DLG2: variants seen among roughly 807,000 people sequenced by gnomAD.
DLG2 encodes disks large homolog 2.
In DLG2, 45 loss-of-function variants were observed where a neutral mutation model predicts 132.5. The observed-to-expected ratio is 0.34, with a 90% CI of 0.27 to 0.44. The LOEUF (loss-of-function observed/expected upper bound fraction) is 0.44, where lower values mean the gene tolerates loss of function less well. Ranked by LOEUF, DLG2 falls within the 20% of genes least tolerant of loss-of-function variation. The pLI is 1.00. For synonymous variants in DLG2, 424 were observed against 419.6 expected (o/e 1.01, Z -0.13); for missense variants, 1,045 against 1,196.9 (o/e 0.87, Z 1.87).
chr11:85,524,272 G>T (rs1194999270), intron 3 of DLG2, among the ~76,000 whole-genome samples: 1 of 152,040 alleles, frequency 6.6e-6, no homozygotes, highest in Non-Finnish European at 1.5e-5. Flanking sequence ...ACAAAGAAGG[G>T]ATAATTGCTT....
intron 2 of DLG2, among the ~76,000 whole-genome samples, chr11:85,623,061 A>G (rs979968969): frequency 6.8e-6 from 1 of 146,994 alleles, no homozygotes; most frequent in African/African-American, 2.5e-5. Flanking sequence ...CTGTCTCCCA[A>G]AAAAAAAAAA....
rs566479176 is a variant in DLG2 at position 84,534,429 on chromosome 11, A to C, written c.519+141T>G. On this transcript the variant is annotated intron_variant, in intron 7 of 27. Transcript: ENST00000376104. ...AAAATACAAGGTGGGCCTCCAATGC[A>C]CAAGAAAGACCCTTTGGCAACCCGT... 38 of 757,592 alleles carry C rather than the reference A, an allele frequency of 5.0e-5. No homozygotes were observed. In the East Asian group the frequency reaches 8.6e-4, roughly 17 times the overall value. The allele number at this position is 757,592 out of a possible 1,614,324, so 46.9% of individuals were successfully genotyped here.
chr11:84,186,183 T>A (rs568728320), intron 8 of DLG2, among the ~76,000 whole-genome samples: 7 of 152,166 alleles, frequency 4.6e-5, no homozygotes, highest in Non-Finnish European at 8.8e-5. Context: ...TTTGTTGAGC[T>A]TTTCAAATGT....
intron 3 of DLG2, among the ~76,000 whole-genome samples, chr11:85,534,448 A>G (rs185444436): frequency 1.7e-3 from 261 of 152,244 alleles, no homozygotes; most frequent in Non-Finnish European, 2.7e-3. Context: ...TTACCCATAC[A>G]GTGAACAAAG....
intron 3 of DLG2, among the ~76,000 whole-genome samples, chr11:85,461,565 G>T (rs1478754339): frequency 6.6e-6 from 1 of 152,152 alleles, no homozygotes; most frequent in Non-Finnish European, 1.5e-5. Flanking sequence ...GACTGAAGAG[G>T]CCAGTGATGG....
intron 7 of DLG2, among the ~76,000 whole-genome samples, chr11:84,254,094 A>C (rs1384328498): frequency 6.6e-6 from 1 of 152,164 alleles, no homozygotes; most frequent in Non-Finnish European, 1.5e-5. Flanking sequence ...CATGACTCAC[A>C]AAAGTGTGCC....
intron 18 of DLG2, among the ~76,000 whole-genome samples, chr11:83,774,958 T>C (rs1289379393): frequency 1.4e-5 from 2 of 147,188 alleles, no homozygotes; most frequent in African/African-American, 5.4e-5. Context: ...GGGGCCAAAC[T>C]ATTCCTAGAG....
intron 6 of DLG2, among the ~76,000 whole-genome samples, chr11:84,965,083 G>T (rs1041726511): frequency 2.0e-5 from 3 of 152,124 alleles, no homozygotes; most frequent in African/African-American, 7.2e-5. Context: ...TGTATAAATA[G>T]ATCATAAGAT....
chr11:85,472,937 C>A (rs1477648374), intron 3 of DLG2, among the ~76,000 whole-genome samples: 1 of 152,258 alleles, frequency 6.6e-6, no homozygotes, highest in South Asian at 2.1e-4. Context: ...CTTCTGGGAG[C>A]CCAGACCTCA....
intron 3 of DLG2, among the ~76,000 whole-genome samples, chr11:85,293,355 A>G (rs899047385): frequency 6.6e-6 from 1 of 152,166 alleles, no homozygotes; most frequent in Non-Finnish European, 1.5e-5. Context: ...AGTTGAGCCC[A>G]AGAGTTTGAG....
intron 6 of DLG2, among the ~76,000 whole-genome samples, chr11:84,659,427 C>T (rs541877026): frequency 6.6e-6 from 1 of 152,020 alleles, no homozygotes; most frequent in Admixed American, 6.6e-5. Flanking sequence ...TCTTGACTAC[C>T]AATAAACTTC....
chr11:84,391,206 G>A (rs1007945671), intron 7 of DLG2, among the ~76,000 whole-genome samples: 1 of 152,168 alleles, frequency 6.6e-6, no homozygotes, highest in Non-Finnish European at 1.5e-5. Context: ...TACAGGGAAA[G>A]CTCTAAAAAC....
rs547426186 is a variant in DLG2, at chr11:84,537,125, G to A, written c.358-2394C>T. On this transcript the variant is annotated intron_variant, in intron 6 of 27. Transcript: ENST00000376104. The stretch of plus-strand genomic sequence containing the variant: ...TTCTGAATTACTTTTTTTTTTATGA[G>A]ACGGACTCCAGCTCTTGTCACCCCA... Among the ~76,000 whole-genome samples, 31 of 151,654 alleles carry A rather than the reference G, an allele frequency of 2.0e-4. 1 individual carries two copies. The South Asian group carries it at 6.5e-3, about 32-fold the overall frequency.
At chr11:83,829,399 G>A (rs2053831436) in intron 17 of DLG2, among the ~76,000 whole-genome samples, 1 of 152,000 alleles carries the variant, frequency 6.6e-6, no homozygotes, top group African/African-American at 2.4e-5. Context: ...GTTTCACCAT[G>A]TTGGCCTGGC....
chr11:84,138,634 G>T (rs1325565718), intron 9 of DLG2, among the ~76,000 whole-genome samples: 2 of 152,118 alleles, frequency 1.3e-5, no homozygotes, highest in African/African-American at 4.8e-5. Context: ...CAGGAATAGA[G>T]AAACATACTA....
chr11:85,147,251 C>A (rs148321441), intron 5 of DLG2, among the ~76,000 whole-genome samples: 2 of 152,280 alleles, frequency 1.3e-5, no homozygotes, highest in East Asian at 3.9e-4. Context: ...GGTGTTCCTG[C>A]AGGGGGGATA....
intron 7 of DLG2, among the ~76,000 whole-genome samples, chr11:84,508,400 C>CTTTTTTTTTTTTTTTTTTTTT (rs371285075): frequency 7.1e-6 from 1 of 141,086 alleles, no homozygotes; most frequent in Non-Finnish European, 1.5e-5. Flanking sequence ...CTTTCTTTAC[C>CTTTTTTTTTTTTTTTTTTTTT]TTTTTTTTTT....
intron 7 of DLG2, among the ~76,000 whole-genome samples, chr11:84,413,869 G>A (rs1271740790): frequency 6.6e-6 from 1 of 152,016 alleles, no homozygotes; most frequent in African/African-American, 2.4e-5. Context: ...CAGACATTCT[G>A]ACTCCTCCAG....
At chr11:85,395,264 A>G (rs1467082349) in intron 3 of DLG2, among the ~76,000 whole-genome samples, 1 of 152,254 alleles carries the variant, frequency 6.6e-6, no homozygotes, top group East Asian at 1.9e-4. Flanking sequence ...AAGCTGGATC[A>G]AGAAAGATAA....
Sources: gnomAD v4.1 joint callset for allele counts (sites outside exome capture counted in the v4.1 genomes callset) on GRCh38, gnomAD v4.1.1 for gene constraint, MANE v1.5 for transcripts, NCBI Gene and HGNC (gene_info 2026-07-23, HGNC 2026-07-21) for gene names.